Variants in MUC4 observed in about 807,000 individuals in gnomAD.
MUC4 encodes the protein mucin 4, cell surface associated.
MUC4 carries 202 observed loss-of-function variants against 257.9 expected under a neutral mutation model. That is an observed-to-expected ratio of 0.78 (90% CI 0.70 to 0.88). The LOEUF is 0.88. Among genes scored for constraint, MUC4 ranks in the 40% least tolerant of loss-of-function variants. The probability of loss-of-function intolerance (pLI) is 0.00; values close to 1 mark genes in which losing one functional copy is unlikely to be tolerated. For synonymous variants in MUC4, 2,351 were observed against 2,757.1 expected, an observed-to-expected ratio of 0.85 and a Z score of 4.62; for missense variants, 5,976 against 6,513.7, an observed-to-expected ratio of 0.92 and a Z score of 2.84.
At chr3:195,778,707 A>C (rs1225664677) in intron 2 of MUC4, 83 bp downstream of exon 2, 1 of 1,433,364 alleles carries the variant, frequency 7.0e-7, no homozygotes, top group East Asian at 2.5e-5. Flanking sequence ...ATGCGAATGC[A>C]CCAGTGTTCT....
At chr3:195,754,990 C>CCATGTGTGTATG (rs1392668217) in intron 18 of MUC4, among the ~76,000 whole-genome samples, 2 of 151,832 alleles carry the variant, frequency 1.3e-5, no homozygotes, top group African/African-American at 4.8e-5. Context: ...GTGTATGTAT[C>CCATGTGTGTATG]CATGTATGTC....
In MUC4 at chr3:195,790,746, C is replaced by T. The variant is rs79229103; in HGVS notation, c.834G>A (p.Gly278=). 30,684 of 1,613,836 alleles carry T rather than the reference C, an allele frequency of 0.019. 360 individuals carry two copies. The highest frequency in any genetic ancestry group is 0.023 in the Non-Finnish European group (26,961 of 1,179,834). ...TSTGSTLGNP[G]ETSSVPVTGS... The stretch of plus-strand genomic sequence containing the variant: ...CAGTAACAGGTACTGATGATGTCTC[C>T]CCTGGGTTTCCAAGAGTGGAGCCTG... Residue 278 remains glycine (G), a synonymous_variant, in exon 2 of 25, where the codon GGG becomes GGA. Transcript: ENST00000463781.
In MUC4 at chr3:195,754,212, C is replaced by T; in HGVS notation, c.15328+1G>A. Reference sequence around the variant, plus strand: ...TGCTCCAGGCCCTGTTCCCGGCTCACCCGCACAGTGCCGCCCATCCCCAGT... The same window carrying T: ...TGCTCCAGGCCCTGTTCCCGGCTCATCCGCACAGTGCCGCCCATCCCCAGT... On this transcript the variant is annotated splice_donor_variant, in intron 19 of 24. Transcript: ENST00000463781. LOFTEE classifies it high-confidence loss of function. 1.2e-6 allele frequency: 2 copies of T among 1,612,124 alleles called. No homozygotes were observed. Among genetic ancestry groups the T allele is most frequent in the Non-Finnish European group, 1.7e-6 (2 of 1,178,996 alleles).
chr3:195,788,463 G>T lies in MUC4; in HGVS notation c.3117C>A (p.Thr1039=), dbSNP rs1428119924. Residue 1039 remains threonine (T), a synonymous_variant, in exon 2 of 25, where the codon ACC becomes ACA. Coordinates refer to ENST00000463781, the MANE Select transcript of MUC4 (RefSeq NM_018406.7). The part of the protein sequence containing the change: ...DTSSESTGHV[T]PLPVTSFSSA... ...AGGAAAAGCTGGTGACAGGAAGAGG[G>T]GTGACGTGACCTGTGGATTCTGAGG... The T allele has an allele frequency of 4.6e-6, 7 of 1,525,018 alleles. 1 individual carries two copies. The highest frequency in any genetic ancestry group is 1.4e-5 in the African/African-American group (1 of 72,038). 94.5% of individuals were successfully genotyped at this position (1,525,018 alleles called of 1,614,324 possible). A position where few individuals can be genotyped will look rare whatever the true frequency, so the allele number is the denominator to read the frequency against.
rs148494803 is a variant in MUC4, at chr3:195,784,055, G to C, written c.7525C>G (p.His2509Asp). Residue 2509 changes from histidine to aspartate, a missense_variant, in exon 2 of 25, where the codon CAC becomes GAC. By Grantham distance (81) the His-to-Asp change is moderately conservative (BLOSUM62 -1). Around this residue, in one of 44 missense-constraint regions of MUC4, gnomAD observed 135 missense variants for 114.7 expected, o/e 1.18. Transcript: ENST00000463781. ...TCGGTGACAGGTAGAGGGGTGGTGT[G>C]ACCTGTAGATGCTGAGGAAGGGCTG... ...VTSPSSASTG[H>D]TTPLPVTDTP... 8.7e-3 allele frequency: 13,260 copies of C among 1,520,726 alleles called. 2,891 individuals carry two copies. The African/African-American group carries it at 0.18, about 21-fold the overall frequency. The allele number at this position is 1,520,726 out of a possible 1,614,324, so 94.2% of individuals were successfully genotyped here.
Position 195,748,404 on chromosome 3 carries a change from A to G in MUC4, c.16034+498T>C, listed in dbSNP as rs559633092. 2.6e-5 allele frequency among the ~76,000 whole-genome samples: 4 copies of G among 152,382 alleles called. No individual in the cohort carries two copies. The South Asian group carries it at 8.3e-4, about 32-fold the overall frequency. On this transcript the variant is annotated intron_variant, in intron 24 of 24. Coordinates refer to ENST00000463781, the MANE Select transcript of MUC4 (RefSeq NM_018406.7). ...CATGGCGAAACCCCGTCTCTACTAA[A>G]AATGCAAAAATCAGCTGGGCGTGGT...
chr3:195,762,105 G>C lies in MUC4; in HGVS notation c.14494C>G (p.Arg4832Gly). 6.2e-7 allele frequency: 1 copy of C among 1,603,948 alleles called. No individual in the cohort carries two copies. The highest frequency in any genetic ancestry group is 8.5e-7 in the Non-Finnish European group (1 of 1,177,544). The change falls in exon 14 of 25, where the codon CGC (arginine) becomes GGC (glycine). Residue 4832 changes from arginine to glycine, a missense_variant. Physicochemically the swap from Arg to Gly is moderately radical, Grantham distance 125. Coordinates refer to ENST00000463781, the MANE Select transcript of MUC4 (RefSeq NM_018406.7). ...SASLPPEYQN[R>G]TEGLLGVWNN... ...CCCTCACCCAGGAGCCCCTCCGTGC[G>C]GTTCTGGTACTCGGGCGGGAGGCTG...
At chr3:195,762,606 ACCGCCACGCACCCGGCC>A in intron 13 of MUC4, among the ~76,000 whole-genome samples, 1 of 143,176 alleles carries the variant, frequency 7.0e-6, no homozygotes, top group Admixed American at 6.9e-5. Flanking sequence ...CCGGCCCTGC[ACCGCCACGCACCCGGCC>A]CTGCACCGCC....
Position 195,782,251 on chromosome 3 carries a change from G to A in MUC4, c.9329C>T (p.Pro3110Leu), listed in dbSNP as rs1317742026. Residue 3110 changes from proline to leucine, a missense_variant, in exon 2 of 25, where the codon CCT (proline) becomes CTT (leucine). Around this residue, in one of 44 missense-constraint regions of MUC4, gnomAD observed 128 missense variants for 104.8 expected, o/e 1.22. Transcript: ENST00000463781. ...GGTGTGACCTGTGGATGCTGAGGAA[G>A]GGCTAGTGACAGGAAGAGGCGTGGT... is the stretch of plus-strand genomic sequence containing the variant. Reference protein sequence around the residue: ...GDTTPLPVTSPSSASTGHTTP... With the variant: ...GDTTPLPVTSLSSASTGHTTP... The A allele has an allele frequency of 9.4e-5, 138 of 1,474,794 alleles. 1 individual carries two copies. The Middle Eastern group carries it at 1.0e-3, about 11-fold the overall frequency. 91.4% of individuals were successfully genotyped at this position (1,474,794 alleles called of 1,614,324 possible). A position where few individuals can be genotyped will look rare whatever the true frequency, so the allele number is the denominator to read the frequency against.
chr3:195,808,307 C>T (rs1343814818), intron 1 of MUC4, among the ~76,000 whole-genome samples: 1 of 152,044 alleles, frequency 6.6e-6, no homozygotes, highest in East Asian at 1.9e-4. Flanking sequence ...CCTCTGCCTC[C>T]CAGGTTCAAG....
At chr3:195,804,914 A>T (rs2688495) in intron 1 of MUC4, among the ~76,000 whole-genome samples, 82,562 of 151,882 alleles carry the variant, frequency 0.54, 23,548 homozygotes, top group East Asian at 0.75. Context: ...TTGGAATAAC[A>T]GACCTCTTGT....
In MUC4 at chr3:195,787,481, A is replaced by C. The variant is rs1179095181; in HGVS notation, c.4099T>G (p.Ser1367Ala). Residue 1367 changes from serine (S) to alanine (A), a missense_variant, in exon 2 of 25, where the codon TCC becomes GCC. By Grantham distance (99) the Ser-to-Ala change is moderately conservative. This residue lies in a region of MUC4 where 58 missense variants were observed against 65.4 expected (regional missense o/e 0.89). Coordinates refer to ENST00000463781, the MANE Select transcript of MUC4 (RefSeq NM_018406.7). Reference protein sequence around the residue: ...HTTPLHVTDASSASTGQATPL... With the variant: ...HTTPLHVTDAASASTGQATPL... ...GTGGCCTGACCTGTGGATGCTGAGG[A>C]AGCATCAGTGACATGAAGAGGGGTG... 1.4e-6 allele frequency: 1 copy of C among 723,208 alleles called. No individual in the cohort carries two copies. The highest frequency in any genetic ancestry group is 3.2e-5 in the East Asian group (1 of 31,060). 44.8% of individuals were successfully genotyped at this position (723,208 alleles called of 1,614,324 possible).
At chr3:195,798,153 C>T (rs930514025) in intron 1 of MUC4, among the ~76,000 whole-genome samples, 6 of 151,856 alleles carry the variant, frequency 4.0e-5, no homozygotes, top group Admixed American at 1.3e-4. Context: ...AACTGCATTC[C>T]TATATATCAG....
chr3:195,781,563 T>C lies in MUC4; in HGVS notation c.10017A>G (p.Thr3339=). ...TGACAGGCACAGGGGTGGTGTCACC[T>C]GTGGATGCTGAGGAAGGGCTGGTGA... ...LHVTSPSSAS[T]GDTTPVPVTD... is the part of the protein sequence containing the mutation. The change falls in exon 2 of 25, where the codon ACA becomes ACG. Residue 3339 remains threonine, a synonymous_variant. Transcript: ENST00000463781. The C allele has an allele frequency of 7.1e-6, 9 of 1,265,092 alleles. 1 individual carries two copies. The highest frequency in any genetic ancestry group is 9.6e-6 in the Non-Finnish European group (9 of 936,372). 78.4% of individuals were successfully genotyped at this position (1,265,092 alleles called of 1,614,324 possible).
intron 1 of MUC4, among the ~76,000 whole-genome samples, chr3:195,791,909 G>C (rs144082489): frequency 6.6e-6 from 1 of 152,180 alleles, no homozygotes; most frequent in African/African-American, 2.4e-5. Flanking sequence ...TTCAATAAAT[G>C]GTGCTGGGAA....
At chr3:195,809,337 A>G (rs971894679) in intron 1 of MUC4, among the ~76,000 whole-genome samples, 1 of 152,180 alleles carries the variant, frequency 6.6e-6, no homozygotes, top group Non-Finnish European at 1.5e-5. Context: ...ACTCAAGTAT[A>G]GGCAGGTCAT....
Position 195,782,284 on chromosome 3 carries a change from G to T in MUC4, c.9296C>A (p.Thr3099Lys), listed in dbSNP as rs1166155728. ...LPVTSLSSVSTGDTTPLPVTS... is the reference protein window; with the variant it reads ...LPVTSLSSVSKGDTTPLPVTS... ...GACAGGAAGAGGCGTGGTGTCACCT[G>T]TGGATACTGAGGAAAGGCTGGTGAC... The change falls in exon 2 of 25, where the codon ACA (threonine) becomes AAA (lysine). Residue 3099 changes from threonine (T) to lysine (K), a missense_variant. Physicochemically the swap from Thr to Lys is moderately conservative, Grantham distance 78. Coordinates refer to ENST00000463781, the MANE Select transcript of MUC4 (RefSeq NM_018406.7). 32 of 1,539,404 alleles carry T rather than the reference G, an allele frequency of 2.1e-5. No individual in the cohort carries two copies. The highest frequency in any genetic ancestry group is 4.9e-5 in the East Asian group (2 of 40,442).
chr3:195,803,494 G>A (rs968860103), intron 1 of MUC4, among the ~76,000 whole-genome samples: 30 of 152,376 alleles, frequency 2.0e-4, no homozygotes, highest in African/African-American at 6.7e-4. Flanking sequence ...GAGTGACTGA[G>A]GGTCAGCTGA....
chr3:195,748,868 C>T (rs1312378324), intron 24 of MUC4, 34 bp downstream of exon 24: 2 of 1,525,594 alleles, frequency 1.3e-6, no homozygotes, highest in Non-Finnish European at 1.8e-6. Context: ...TTCCCCAGCA[C>T]TGTCCTCCAC....
Sources: allele counts gnomAD v4.1 joint callset (sites outside exome capture counted in the v4.1 genomes callset), GRCh38; gene constraint gnomAD v4.1.1; regional missense constraint gnomAD v4.1.1; transcripts MANE v1.5; gene names NCBI Gene and HGNC (gene_info 2026-07-23, HGNC 2026-07-21).